Variants in CCT7 observed in about 807,000 individuals in gnomAD.
CCT7 encodes chaperonin containing TCP1 subunit 7.
In CCT7, 16 loss-of-function variants were observed where a neutral mutation model predicts 56.6. The ratio of observed to expected loss-of-function variants is 0.28; its 90% confidence interval spans 0.19 to 0.43. The LOEUF is 0.43. CCT7 is among the 20% of genes least tolerant of loss of function. CCT7 has a pLI of 1.00. For synonymous variants in CCT7, 262 were observed against 254.8 expected, an observed-to-expected ratio of 1.03 and a Z score of -0.27; for missense variants, 519 against 685.6, an observed-to-expected ratio of 0.76 and a Z score of 2.71.
chr2:73,247,908 A>G lies in CCT7; in HGVS notation c.765A>G (p.Ile255Met), dbSNP rs201769090. The change falls in exon 7 of 12, where the codon ATA becomes ATG. Residue 255 changes from isoleucine (I) to methionine (M), a missense_variant. Around this residue, in one of 3 missense-constraint regions of CCT7, gnomAD observed 276 missense variants for 357.3 expected, o/e 0.77. Coordinates refer to ENST00000258091, the MANE Select transcript of CCT7 (RefSeq NM_006429.4). ...AAGCTGAGAAAGACAATGCTGAGAT[A>G]AGAGTCCACACAGTTGAGGTAGGTG... is the stretch of plus-strand genomic sequence containing the variant. Reference protein sequence around the residue: ...ELKAEKDNAEIRVHTVEDYQA... With the variant: ...ELKAEKDNAEMRVHTVEDYQA... 66 of 1,614,028 alleles carry G rather than the reference A, an allele frequency of 4.1e-5. No homozygotes were observed. The highest frequency in any genetic ancestry group is 4.1e-5 in the Non-Finnish European group (48 of 1,180,006).
At chr2:73,236,850 A>T (rs993456859) in intron 1 of CCT7, among the ~76,000 whole-genome samples, 3 of 152,162 alleles carry the variant, frequency 2.0e-5, no homozygotes, top group Non-Finnish European at 4.4e-5. Context: ...AGGGCCTGCA[A>T]AGCATAGGGA....
intron 4 of CCT7, 31 bp downstream of exon 4, chr2:73,243,160 G>A (rs369508653): frequency 1.9e-6 from 3 of 1,603,478 alleles, no homozygotes; most frequent in Non-Finnish European, 2.6e-6. Flanking sequence ...CTTCTCTTGG[G>A]CCTGGACACC....
chr2:73,249,239 C>T, intron 8 of CCT7, 60 bp downstream of exon 8: 1 of 1,357,488 alleles, frequency 7.4e-7, no homozygotes, highest in African/African-American at 1.4e-5. Flanking sequence ...TTTTCACTGA[C>T]CCCTGGTATA....
chr2:73,238,813 T>C (rs963846264), intron 1 of CCT7, among the ~76,000 whole-genome samples: 2 of 152,200 alleles, frequency 1.3e-5, no homozygotes, highest in Non-Finnish European at 2.9e-5. Flanking sequence ...CTGCTAATAA[T>C]GGTGGTCACT....
chr2:73,249,194 A>C lies in CCT7; in HGVS notation c.972+15A>C. On this transcript the variant is annotated intron_variant, in intron 8 of 11. Coordinates refer to ENST00000258091, the MANE Select transcript of CCT7 (RefSeq NM_006429.4). ...GGACAATGATGGTAACCAGATTTTC[A>C]CAGGCTGCTTCTCGGCCTTTGTGGC... is the stretch of plus-strand genomic sequence containing the variant. 1 of 1,586,742 alleles carries C rather than the reference A, an allele frequency of 6.3e-7. No individual in the cohort carries two copies. Among genetic ancestry groups the C allele is most frequent in the Non-Finnish European group, 8.6e-7 (1 of 1,161,188 alleles).
At chr2:73,235,573 T>G (rs1364111939) in intron 1 of CCT7, 2 of 1,001,930 alleles carry the variant, frequency 2.0e-6, no homozygotes, top group Non-Finnish European at 2.4e-6. Context: ...TGAAGTCGTC[T>G]TCATCTTCTG....
chr2:73,242,895 TC>T, intron 3 of CCT7, 108 bp from the exon 4 acceptor site: 1 of 1,321,668 alleles, frequency 7.6e-7, no homozygotes, highest in Non-Finnish European at 1.1e-6. Context: ...AAGCTTGACA[TC>T]CATTTAAATA....
At chr2:73,234,499 C>T (rs1686771584) in intron 1 of CCT7, 115 bp downstream of exon 1, 1 of 1,239,194 alleles carries the variant, frequency 8.1e-7, no homozygotes. Context: ...TCTGTCCTCG[C>T]CCAGATCCCC....
At chr2:73,250,022 A>C (rs1574364141) in intron 9 of CCT7, 106 bp downstream of exon 9, 2 of 844,326 alleles carry the variant, frequency 2.4e-6, no homozygotes, top group Admixed American at 1.8e-5. Context: ...TTTGTGTACA[A>C]AGTGGTATAC....
At chr2:73,234,576 G>T (rs902527838) in intron 1 of CCT7, among the ~76,000 whole-genome samples, 192 bp downstream of exon 1, 1 of 152,082 alleles carries the variant, frequency 6.6e-6, no homozygotes, top group African/African-American at 2.4e-5. Flanking sequence ...AGCCGTTGGC[G>T]AGGGCTGCGT....
At position 73,250,376 on chromosome 2, in the gene CCT7, T is replaced by C; in HGVS notation, c.1141T>C (p.Phe381Leu). Residue 381 changes from phenylalanine to leucine, a missense_variant, in exon 10 of 12, where the codon TTT (phenylalanine) becomes CTT (leucine). Transcript: ENST00000258091. The stretch of plus-strand genomic sequence containing the variant: ...CATTCTCCGTGGCGGCGCCGAGCAG[T>C]TTATGGAGGAGACAGAGCGGTCCCT... ...TFILRGGAEQFMEETERSLHD... is the reference protein window; with the variant it reads ...TFILRGGAEQLMEETERSLHD... The C allele has an allele frequency of 6.2e-7, 1 of 1,614,042 alleles. No individual in the cohort carries two copies.
chr2:73,238,204 T>C (rs564570248), intron 1 of CCT7, among the ~76,000 whole-genome samples: 2 of 152,336 alleles, frequency 1.3e-5, no homozygotes, highest in African/African-American at 4.8e-5. Context: ...TTTTTGTTTT[T>C]TATGTAAATC....
intron 11 of CCT7, among the ~76,000 whole-genome samples, chr2:73,252,348 T>TATAA (rs900652099): frequency 2.0e-5 from 3 of 149,016 alleles, no homozygotes; most frequent in Non-Finnish European, 3.0e-5. Context: ...TATATATATA[T>TATAA]ATAGTCCTCA....
Position 73,234,343 on chromosome 2 carries a change from A to C in CCT7, c.-36A>C, listed in dbSNP as rs765401455. ...GCTGGGCGGCCCGGTCTCGGAGAAG[A>C]GGGGAGAGTGGCGGGCCGCTGAATA... On this transcript the variant is annotated 5_prime_UTR_variant, in exon 1 of 12. Coordinates refer to ENST00000258091, the MANE Select transcript of CCT7 (RefSeq NM_006429.4). 5 of 1,613,422 alleles carry C rather than the reference A, an allele frequency of 3.1e-6. No homozygotes were observed. Among genetic ancestry groups the C allele is most frequent in the Non-Finnish European group, 4.2e-6 (5 of 1,179,740 alleles).
At chr2:73,235,263 G>A (rs915037689) in intron 1 of CCT7, among the ~76,000 whole-genome samples, 1 of 152,140 alleles carries the variant, frequency 6.6e-6, no homozygotes, top group Non-Finnish European at 1.5e-5. Context: ...TGGGTCCCAA[G>A]CCTCGATGGT....
chr2:73,242,080 C>T (rs564341351), intron 3 of CCT7, among the ~76,000 whole-genome samples: 1 of 151,486 alleles, frequency 6.6e-6, no homozygotes, highest in East Asian at 2.0e-4. Flanking sequence ...TTGGCTGGTC[C>T]TAGGACGTTT....
At chr2:73,247,395 T>G (rs192331560) in intron 6 of CCT7, among the ~76,000 whole-genome samples, 23 of 152,206 alleles carry the variant, frequency 1.5e-4, no homozygotes, top group African/African-American at 3.9e-4. Context: ...TTGCCTTCTT[T>G]GTAAACACCT....
Position 73,241,241 on chromosome 2 carries a change from G to A in CCT7, c.267+698G>A, listed in dbSNP as rs144926294. Among the ~76,000 whole-genome samples, 18 of 152,170 alleles carry A rather than the reference G, an allele frequency of 1.2e-4. No homozygotes were observed. The East Asian group carries it at 3.3e-3, about 28-fold the overall frequency. On this transcript the variant is annotated intron_variant, in intron 3 of 11. Coordinates refer to ENST00000258091, the MANE Select transcript of CCT7 (RefSeq NM_006429.4). ...TACTACAGGTATGTCTTGAAGTTAC[G>A]TTAAAAGGTTTATTAGGAGCCAAGC...
At chr2:73,250,217 T>C (rs1687516023) in intron 9 of CCT7, 89 bp from the exon 10 acceptor site, 14 of 1,491,222 alleles carry the variant, frequency 9.4e-6, no homozygotes, top group African/African-American at 1.4e-5. Flanking sequence ...GAGCAGCTGC[T>C]GAGTGTTGGG....
Sources: gnomAD v4.1 joint callset for allele counts (sites outside exome capture counted in the v4.1 genomes callset) on GRCh38, gnomAD v4.1.1 for gene constraint, gnomAD v4.1.1 regional missense constraint, MANE v1.5 for transcripts, NCBI Gene and HGNC (gene_info 2026-07-23, HGNC 2026-07-21) for gene names.